The following DOCK8 variants were observed in gnomAD, a reference collection of about 807,000 sequenced individuals.
DOCK8 encodes the protein dedicator of cytokinesis protein 8.
Under a neutral mutation model 245.6 loss-of-function variants are expected in DOCK8, and 141 were observed. That is an observed-to-expected ratio of 0.57 (90% CI 0.50 to 0.66). DOCK8 has a LOEUF of 0.66. Among genes scored for constraint, DOCK8 ranks in the 30% least tolerant of loss-of-function variants. DOCK8 has a pLI of 0.00. For missense variants in DOCK8, 2,965 were observed against 2,603.4 expected (o/e 1.14, Z -3.02); for synonymous variants, 1,168 against 970.2 (o/e 1.20, Z -3.79).
chr9:413,660 C>G (rs891252979), intron 28 of DOCK8, among the ~76,000 whole-genome samples: 1 of 152,190 alleles, frequency 6.6e-6, no homozygotes, highest in Admixed American at 6.5e-5. Context: ...TGTTCAGCAT[C>G]ATTAGCCGTC....
Position 371,103 on chromosome 9 carries a change from A to G in DOCK8, c.1869-325A>G, listed in dbSNP as rs149910747. ...TGGGTAGAAATGGAAAAAGGAGGTC[A>G]CAGCAGGAGTCCAAACCTCATCCTT... On this transcript the variant is annotated intron_variant, in intron 16 of 47. Transcript: ENST00000432829. Among the ~76,000 whole-genome samples, 23 of 152,338 alleles carry G rather than the reference A, an allele frequency of 1.5e-4. No homozygotes were observed. In the East Asian group the frequency reaches 4.4e-3, roughly 29 times the overall value.
intron 43 of DOCK8, among the ~76,000 whole-genome samples, chr9:445,691 C>G (rs910161210): frequency 1.3e-5 from 2 of 152,110 alleles, no homozygotes; most frequent in Non-Finnish European, 2.9e-5. Flanking sequence ...GACTACCTCA[C>G]CATTTGCTTG....
chr9:453,415 G>C (rs1201212887), intron 46 of DOCK8, among the ~76,000 whole-genome samples: 1 of 151,944 alleles, frequency 6.6e-6, no homozygotes, highest in Non-Finnish European at 1.5e-5. Flanking sequence ...AAAATATTTG[G>C]GGAATTATTT....
rs1409999796 is a variant in DOCK8 at position 224,288 on chromosome 9, C to T, written c.53+9259C>T. ...AGATTTTTCTCCCCCGATGAATATA[C>T]CCACGATTTGCATTTGACCCAAGAT... On this transcript the variant is annotated intron_variant, in intron 1 of 47. Transcript: ENST00000432829. 2.6e-5 allele frequency among the ~76,000 whole-genome samples: 4 copies of T among 152,208 alleles called. No homozygotes were observed. In the East Asian group the frequency reaches 5.8e-4, roughly 22 times the overall value.
intron 4 of DOCK8, among the ~76,000 whole-genome samples, chr9:302,886 G>T (rs532308274): frequency 6.6e-6 from 1 of 152,182 alleles, no homozygotes; most frequent in Non-Finnish European, 1.5e-5. Flanking sequence ...CCAGCATTTT[G>T]GGAGGCTGAG....
At chr9:328,623 C>G (rs1444374990) in intron 9 of DOCK8, among the ~76,000 whole-genome samples, 1 of 152,158 alleles carries the variant, frequency 6.6e-6, no homozygotes, top group Non-Finnish European at 1.5e-5. Flanking sequence ...CTAGAGTTTC[C>G]TAACGATGTT....
chr9:314,524 G>A (rs2050262752), intron 6 of DOCK8: 1 of 152,202 alleles, frequency 6.6e-6, no homozygotes, highest in South Asian at 2.1e-4. Context: ...ACGCTCCATT[G>A]GGACTGAATG....
chr9:443,622 A>G, intron 43 of DOCK8, 106 bp downstream of exon 43: 1 of 888,560 alleles, frequency 1.1e-6, no homozygotes, highest in South Asian at 1.4e-5. Context: ...AGTCACTTAA[A>G]TGCAGTCAAA....
At chr9:341,522 C>T (rs1307373788) in intron 14 of DOCK8, among the ~76,000 whole-genome samples, 1 of 152,178 alleles carries the variant, frequency 6.6e-6, no homozygotes, top group African/African-American at 2.4e-5. Flanking sequence ...CAGTTGAAGT[C>T]TTCTTTTATC....
rs746669844 is a variant in DOCK8, at chr9:406,385, G to A, written c.3391-545G>A. ...GACTGTAATCCCAGCTACTTGGGAC[G>A]CTGAGGCATGAGAATTGCTTGAACC... On this transcript the variant is annotated intron_variant, in intron 27 of 47. Coordinates refer to ENST00000432829, the MANE Select transcript of DOCK8 (RefSeq NM_203447.4). Among the ~76,000 whole-genome samples, 8 of 151,818 alleles carry A rather than the reference G, an allele frequency of 5.3e-5. No individual in the cohort carries two copies. In the East Asian group the frequency reaches 1.2e-3, roughly 22 times the overall value.
intron 1 of DOCK8, among the ~76,000 whole-genome samples, chr9:266,512 C>G (rs779035770): frequency 7.2e-5 from 11 of 152,194 alleles, no homozygotes; most frequent in Admixed American, 6.5e-5. Context: ...ACAAGAGATG[C>G]TAATACAGGA....
intron 1 of DOCK8, among the ~76,000 whole-genome samples, chr9:216,568 C>CAAAAAAAAAA (rs2046759741): frequency 8.5e-6 from 1 of 117,778 alleles, no homozygotes; most frequent in Non-Finnish European, 1.9e-5. Context: ...AAAAACAAGG[C>CAAAAAAAAAA]ATGAAGTATA....
chr9:391,593 A>G (rs1385457472), intron 24 of DOCK8, among the ~76,000 whole-genome samples: 1 of 152,152 alleles, frequency 6.6e-6, no homozygotes, highest in Non-Finnish European at 1.5e-5. Flanking sequence ...TTATTAATGG[A>G]AGCAAAAGGA....
intron 4 of DOCK8, among the ~76,000 whole-genome samples, chr9:290,444 A>G (rs968598742): frequency 1.3e-5 from 2 of 152,178 alleles, no homozygotes; most frequent in Non-Finnish European, 2.9e-5. Flanking sequence ...AGGGGGAAAA[A>G]TTAAGTGAAT....
At chr9:271,458 CA>C (rs1445709177) in intron 1 of DOCK8, among the ~76,000 whole-genome samples, 168 bp from the exon 2 acceptor site, 1 of 152,106 alleles carries the variant, frequency 6.6e-6, no homozygotes, top group African/African-American at 2.4e-5. Context: ...TATTATCTGA[CA>C]AAAACTACGA....
At chr9:226,330 C>CTT in intron 1 of DOCK8, among the ~76,000 whole-genome samples, 1 of 152,096 alleles carries the variant, frequency 6.6e-6, no homozygotes, top group African/African-American at 2.4e-5. Flanking sequence ...TCTCGCACAA[C>CTT]ATGTGGGGAT....
intron 1 of DOCK8, among the ~76,000 whole-genome samples, chr9:221,489 G>C (rs2046880904): frequency 6.6e-6 from 1 of 152,044 alleles, no homozygotes; most frequent in South Asian, 2.1e-4. Context: ...ATTGTGTTAA[G>C]TATTATAAAT....
rs61167112 is a variant in DOCK8 at position 271,822 on chromosome 9, A to G, written c.156+93A>G. 0.01 allele frequency: 8,044 copies of G among 797,260 alleles called. 380 individuals carry two copies. The African/African-American group carries it at 0.11, about 11-fold the overall frequency. 49.4% of individuals were successfully genotyped at this position (797,260 alleles called of 1,614,324 possible). On this transcript the variant is annotated intron_variant, in intron 2 of 47. Transcript: ENST00000432829. ...CTCCTGTTCCTTAGATCTTCCTACC[A>G]TCACCTCACATTCTCCAGTCACCAG...
At chr9:215,988 C>T (rs936546922) in intron 1 of DOCK8, among the ~76,000 whole-genome samples, 4 of 152,160 alleles carry the variant, frequency 2.6e-5, no homozygotes, top group African/African-American at 9.7e-5. Context: ...AAGGTGGATT[C>T]CACCGTAGGT....
Sources: allele counts gnomAD v4.1 joint callset (sites outside exome capture counted in the v4.1 genomes callset), GRCh38; gene constraint gnomAD v4.1.1; transcripts MANE v1.5; gene names NCBI Gene and HGNC (gene_info 2026-07-23, HGNC 2026-07-21).